The following SPMIP3 variants were observed in gnomAD, a reference collection of about 807,000 sequenced individuals.
SPMIP3 encodes the protein protein SPMIP3.
chr1:244,373,332 T>TTATATATATATATATATATATATA, the SPMIP3 span, among the ~76,000 whole-genome samples: 307 of 85,120 alleles, frequency 3.6e-3, 26 homozygotes, highest in Middle Eastern at 6.8e-3. Flanking sequence ...CAAAAAAAAA[T>TTATATATATATATATATATATATA]TATATATATA....
chr1:244,378,746 C>G, the SPMIP3 span: 1 of 1,235,458 alleles, frequency 8.1e-7, no homozygotes, highest in South Asian at 1.5e-5. Context: ...TGGGACCAGT[C>G]GAGTTGGAGG....
At chr1:244,364,773 T>A in the SPMIP3 span, 16 of 1,613,724 alleles carry the variant, frequency 9.9e-6, no homozygotes, top group African/African-American at 1.3e-5. Context: ...TTCTTCCAGA[T>A]GCACAGCCTC....
chr1:244,368,926 G>C, the SPMIP3 span, among the ~76,000 whole-genome samples: 1 of 152,204 alleles, frequency 6.6e-6, no homozygotes, highest in Non-Finnish European at 1.5e-5. Context: ...TATGGCAGGC[G>C]AGGCAGGCGG....
chr1:244,358,330 T>A, the SPMIP3 span, among the ~76,000 whole-genome samples: 1 of 152,078 alleles, frequency 6.6e-6, no homozygotes, highest in Non-Finnish European at 1.5e-5. Flanking sequence ...ACACCTGTAA[T>A]CCCAGCACTT....
At chr1:244,378,407 G>A in the SPMIP3 span, 2,989 of 1,499,278 alleles carry the variant, frequency 2.0e-3, 38 homozygotes, top group African/African-American at 0.032. Flanking sequence ...TCCAGCTGAC[G>A]AGAAAATGGA....
chr1:244,381,479 A>C, the SPMIP3 span, among the ~76,000 whole-genome samples: 14 of 152,224 alleles, frequency 9.2e-5, no homozygotes, highest in Non-Finnish European at 1.8e-4. Flanking sequence ...TATGGAGCTA[A>C]ATAAATTTTA....
chr1:244,355,228 G>A, the SPMIP3 span, among the ~76,000 whole-genome samples: 1 of 152,192 alleles, frequency 6.6e-6, no homozygotes, highest in Non-Finnish European at 1.5e-5. Flanking sequence ...ATTATTTCAA[G>A]GACTGGACGA....
At chr1:244,361,925 TTCGGAG>T in the SPMIP3 span, among the ~76,000 whole-genome samples, 1 of 152,100 alleles carries the variant, frequency 6.6e-6, no homozygotes. Context: ...TCACGAAGCT[TTCGGAG>T]TTCGGGTTAG....
At chr1:244,388,994 G>A in the SPMIP3 span, 23 of 1,613,802 alleles carry the variant, frequency 1.4e-5, no homozygotes, top group Non-Finnish European at 1.8e-5. Context: ...ATCCTCGACC[G>A]CTTAATTCAC....
chr1:244,386,006 AC>A, the SPMIP3 span, among the ~76,000 whole-genome samples: 1 of 26,672 alleles, frequency 3.7e-5, no homozygotes, highest in Admixed American at 5.5e-4. Context: ...TCTACAAAAC[AC>A]ACACACACAC....
chr1:244,377,532 A>G, the SPMIP3 span, among the ~76,000 whole-genome samples: 1 of 152,244 alleles, frequency 6.6e-6, no homozygotes, highest in African/African-American at 2.4e-5. Context: ...ATTATCATAA[A>G]AACACTTTGA....
At chr1:244,389,093 G>A in the SPMIP3 span, 12 of 1,582,386 alleles carry the variant, frequency 7.6e-6, no homozygotes, top group East Asian at 4.5e-5. Context: ...ACAAAATAAC[G>A]TTTGGCATTC....
chr1:244,372,660 G>A, the SPMIP3 span, among the ~76,000 whole-genome samples: 23 of 152,090 alleles, frequency 1.5e-4, no homozygotes, highest in East Asian at 5.8e-4. Flanking sequence ...AGCCAGGATG[G>A]TCTCGAACTC....
the SPMIP3 span, among the ~76,000 whole-genome samples, chr1:244,387,749 G>C: frequency 1.3e-5 from 2 of 152,280 alleles, no homozygotes; most frequent in South Asian, 4.1e-4. Context: ...TGTTTCAGGT[G>C]AAGTCCAGGT....
At chr1:244,389,032 G>A in the SPMIP3 span, 3 of 1,613,690 alleles carry the variant, frequency 1.9e-6, no homozygotes, top group Non-Finnish European at 2.5e-6. Context: ...TGTGAAGAGA[G>A]AAGCAGCTTT....
At chr1:244,375,532 CGGCGGGG>C in the SPMIP3 span, 1 of 1,317,574 alleles carries the variant, frequency 7.6e-7, no homozygotes, top group African/African-American at 1.5e-5. Context: ...AAAAAGGGGT[CGGCGGGG>C]GGAAGATACA....
At chr1:244,372,213 C>T in the SPMIP3 span, among the ~76,000 whole-genome samples, 1 of 152,072 alleles carries the variant, frequency 6.6e-6, no homozygotes, top group African/African-American at 2.4e-5. Flanking sequence ...TCCTATGGAC[C>T]CTTTATTCAG....
chr1:244,354,536 AT>A, the SPMIP3 span, among the ~76,000 whole-genome samples: 1 of 151,930 alleles, frequency 6.6e-6, no homozygotes, highest in Non-Finnish European at 1.5e-5. Flanking sequence ...GTGTGTGTGT[AT>A]TTTTAGTAGA....
At chr1:244,377,348 T>G in the SPMIP3 span, among the ~76,000 whole-genome samples, 1 of 151,980 alleles carries the variant, frequency 6.6e-6, no homozygotes, top group Non-Finnish European at 1.5e-5. Flanking sequence ...ATGGTCTCGA[T>G]CTGACTTCAT....
Sources: gnomAD v4.1 joint callset for allele counts (sites outside exome capture counted in the v4.1 genomes callset) on GRCh38, gnomAD v4.1.1 for gene constraint, MANE v1.5 for transcripts, NCBI Gene and HGNC (gene_info 2026-07-23, HGNC 2026-07-21) for gene names.